Variants in AGPAT3 observed in about 807,000 individuals in gnomAD.
AGPAT3 encodes 1-acyl-sn-glycerol-3-phosphate acyltransferase gamma.
AGPAT3 carries 5 observed loss-of-function variants against 47.3 expected under a neutral mutation model. That is an observed-to-expected ratio of 0.11 (90% CI 0.06 to 0.22). AGPAT3 has a LOEUF of 0.22. Ranked by LOEUF, AGPAT3 falls within the 10% of genes least tolerant of loss-of-function variation. The pLI is 1.00. For missense variants in AGPAT3, 315 were observed against 493.0 expected, an observed-to-expected ratio of 0.64 and a Z score of 3.42; for synonymous variants, 212 against 208.3, an observed-to-expected ratio of 1.02 and a Z score of -0.15.
At chr21:43,905,793 C>T (rs2086478851) in intron 2 of AGPAT3, among the ~76,000 whole-genome samples, 1 of 152,224 alleles carries the variant, frequency 6.6e-6, no homozygotes, top group Non-Finnish European at 1.5e-5. Flanking sequence ...TGTCCTTTGG[C>T]TATTGTTGGA....
rs2087582145 is a variant in AGPAT3, at chr21:43,939,586, C to T, written c.-48-20048C>T. On this transcript the variant is annotated intron_variant, in intron 2 of 9. Transcript: ENST00000291572. The surrounding 1 kb of genome is among the most constrained non-coding windows in gnomAD (Gnocchi z 4.4). ...CCTTGCTGCAGTTTGGAGAGAGTGT[C>T]GCGGGCGCCTGGCCTGTCCGGCAGG... 6.6e-6 allele frequency among the ~76,000 whole-genome samples: 1 copy of T among 152,176 alleles called. No homozygotes were observed. Among genetic ancestry groups the T allele is most frequent in the Non-Finnish European group, 1.5e-5 (1 of 68,036 alleles).
At chr21:43,898,432 A>G (rs763895454) in intron 1 of AGPAT3, among the ~76,000 whole-genome samples, 1 of 152,208 alleles carries the variant, frequency 6.6e-6, no homozygotes, top group Non-Finnish European at 1.5e-5. Flanking sequence ...CGAATCTACA[A>G]TTAACCTGTA....
At chr21:43,875,418 C>A (rs2085712738) in intron 1 of AGPAT3, among the ~76,000 whole-genome samples, 1 of 152,116 alleles carries the variant, frequency 6.6e-6, no homozygotes, top group African/African-American at 2.4e-5. Flanking sequence ...ATGTGGAACC[C>A]CTAGATATGG....
At position 43,985,208 on chromosome 21, in the gene AGPAT3, C is replaced by T. The variant is rs1051974251; in HGVS notation, c.*2816C>T. 9 of 456,206 alleles carry T rather than the reference C, an allele frequency of 2.0e-5. No individual in the cohort carries two copies. The highest frequency in any genetic ancestry group is 1.8e-4 in the African/African-American group (9 of 50,090). The allele number at this position is 456,206 out of a possible 1,614,324, so 28.3% of individuals were successfully genotyped here. ...GCCCATCTTCCCAAGGATGCCATTG[C>T]TGTCTTCATCGTCTTCCCCCGTGTG... On this transcript the variant is annotated 3_prime_UTR_variant, in exon 10 of 10. Coordinates refer to ENST00000291572, the MANE Select transcript of AGPAT3 (RefSeq NM_020132.5).
At chr21:43,929,640 G>A (rs942499486) in intron 2 of AGPAT3, among the ~76,000 whole-genome samples, 13 of 152,270 alleles carry the variant, frequency 8.5e-5, no homozygotes, top group African/African-American at 2.9e-4. Context: ...GCCTGCCAGA[G>A]CCAGTGTGTG....
rs12626760 is a variant in AGPAT3, at chr21:43,980,190, C to T, written c.844-799C>T. The stretch of plus-strand genomic sequence containing the variant: ...ACTCAGGAGGCTGAGGCAGGAGAAT[C>T]GCTTAAACCCGGGAGACAGAGGTTG... On this transcript the variant is annotated intron_variant, in intron 8 of 9. Coordinates refer to ENST00000291572, the MANE Select transcript of AGPAT3 (RefSeq NM_020132.5). Among the ~76,000 whole-genome samples the T allele has an allele frequency of 1.9e-4, 29 of 149,882 alleles. No individual in the cohort carries two copies. In the East Asian group the frequency reaches 4.2e-3, roughly 21 times the overall value.
chr21:43,885,201 G>A (rs1165378035), intron 1 of AGPAT3, among the ~76,000 whole-genome samples: 1 of 152,144 alleles, frequency 6.6e-6, no homozygotes. Context: ...CATGGAGCTC[G>A]CAGACGCTGG....
At chr21:43,942,062 C>T (rs1295722474) in intron 2 of AGPAT3, among the ~76,000 whole-genome samples, 1 of 152,246 alleles carries the variant, frequency 6.6e-6, no homozygotes, top group East Asian at 1.9e-4. Flanking sequence ...CTCAGGTCTT[C>T]AGTAAGTTAG....
In AGPAT3 at chr21:43,980,899, C is replaced by T. The variant is rs572664334; in HGVS notation, c.844-90C>T. On this transcript the variant is annotated intron_variant, in intron 8 of 9. Transcript: ENST00000291572. Reference sequence around the variant, plus strand: ...ACGTGGCGCTTTTTTTAGGTTGAGTCGTTTTTCATTGCCAACAATCTTCTC... The same window carrying T: ...ACGTGGCGCTTTTTTTAGGTTGAGTTGTTTTTCATTGCCAACAATCTTCTC... 416 of 1,271,552 alleles carry T rather than the reference C, an allele frequency of 3.3e-4. 3 individuals carry two copies. Among genetic ancestry groups the T allele is most frequent in the Middle Eastern group, 9.9e-4 (5 of 5,046 alleles). The allele number at this position is 1,271,552 out of a possible 1,614,324, so 78.8% of individuals were successfully genotyped here.
intron 2 of AGPAT3, among the ~76,000 whole-genome samples, chr21:43,929,643 A>T (rs2087174845): frequency 6.6e-6 from 1 of 152,194 alleles, no homozygotes; most frequent in Non-Finnish European, 1.5e-5. Flanking sequence ...TGCCAGAGCC[A>T]GTGTGTGTGG....
intron 2 of AGPAT3, among the ~76,000 whole-genome samples, chr21:43,937,798 C>T (rs2087498789): frequency 6.6e-6 from 1 of 152,134 alleles, no homozygotes; most frequent in South Asian, 2.1e-4. Context: ...AGACTCCTTT[C>T]TCTCTCTCAT....
At chr21:43,938,701 T>C (rs1008302662) in intron 2 of AGPAT3, among the ~76,000 whole-genome samples, 3 of 152,232 alleles carry the variant, frequency 2.0e-5, no homozygotes, top group Non-Finnish European at 4.4e-5. Flanking sequence ...TGCCTTACCG[T>C]GTTTGTTACA....
chr21:43,889,206 T>C (rs1431493688), intron 1 of AGPAT3, among the ~76,000 whole-genome samples: 1 of 152,042 alleles, frequency 6.6e-6, no homozygotes. Context: ...ACTGAGGTGA[T>C]GAAGGCATGT....
At chr21:43,878,691 A>G (rs2085785758) in intron 1 of AGPAT3, among the ~76,000 whole-genome samples, 1 of 152,082 alleles carries the variant, frequency 6.6e-6, no homozygotes, top group Non-Finnish European at 1.5e-5. Context: ...TATTTGAAAG[A>G]ATGACACTGT....
rs575154935 is a variant in AGPAT3, at chr21:43,933,999, G to A, written c.-48-25635G>A. ...GTGGACTGGCCACACCTGGTGTGCC[G>A]CTTCCTTTCTCAGTCATGGCCAGCT... is the stretch of plus-strand genomic sequence containing the variant. On this transcript the variant is annotated intron_variant, in intron 2 of 9. Coordinates refer to ENST00000291572, the MANE Select transcript of AGPAT3 (RefSeq NM_020132.5). The surrounding 1 kb of genome is among the most constrained non-coding windows in gnomAD (Gnocchi z 6.0). Among the ~76,000 whole-genome samples, 7 of 152,344 alleles carry A rather than the reference G, an allele frequency of 4.6e-5. No individual in the cohort carries two copies. Among genetic ancestry groups the A allele is most frequent in the East Asian group, 1.9e-4 (1 of 5,190 alleles).
chr21:43,873,170 T>C (rs1035863915), intron 1 of AGPAT3, among the ~76,000 whole-genome samples: 5 of 152,042 alleles, frequency 3.3e-5, no homozygotes, highest in African/African-American at 9.7e-5. Context: ...GAGGTGCTCA[T>C]AGTGGCATGG....
chr21:43,972,117 A>G (rs1412710249), intron 7 of AGPAT3, among the ~76,000 whole-genome samples: 2 of 150,364 alleles, frequency 1.3e-5, no homozygotes, highest in African/African-American at 4.9e-5. Flanking sequence ...TGAAGGAGAC[A>G]GTGGTGAAGG....
At chr21:43,979,491 T>TA (rs1187138886) in intron 8 of AGPAT3, among the ~76,000 whole-genome samples, 6 of 152,032 alleles carry the variant, frequency 3.9e-5, no homozygotes, top group South Asian at 2.1e-4. Context: ...AAACAGAAGA[T>TA]AAAGATTTCC....
rs1463748505 is a variant in AGPAT3 at position 43,987,051 on chromosome 21, G to A, written c.*4659G>A. On this transcript the variant is annotated 3_prime_UTR_variant, in exon 10 of 10. Transcript: ENST00000291572. ...GCCTGCCCGAGCGCGAGTAGCTCTT[G>A]TGTAGTGGTGAAATGCTGCAGGCAT... 6.6e-6 allele frequency among the ~76,000 whole-genome samples: 1 copy of A among 152,232 alleles called. No homozygotes were observed. The highest frequency in any genetic ancestry group is 2.4e-5 in the African/African-American group (1 of 41,464).
Sources: gnomAD v4.1 joint callset for allele counts (sites outside exome capture counted in the v4.1 genomes callset) on GRCh38, gnomAD v4.1.1 for gene constraint, Gnocchi (gnomAD v3.1) non-coding constraint, MANE v1.5 for transcripts, NCBI Gene and HGNC (gene_info 2026-07-23, HGNC 2026-07-21) for gene names.